Variants in PCDH15 observed in about 807,000 individuals in gnomAD.
PCDH15 encodes protocadherin related 15.
PCDH15 carries 129 observed loss-of-function variants against 178.5 expected under a neutral mutation model. The observed-to-expected ratio is 0.72, with a 90% CI of 0.63 to 0.84. PCDH15 has a LOEUF of 0.84. Ranked by LOEUF, PCDH15 falls within the 40% of genes least tolerant of loss-of-function variation. The pLI, the probability that PCDH15 is intolerant of heterozygous loss-of-function variation, is 0.00. For synonymous variants in PCDH15, 800 were observed against 732.0 expected, an observed-to-expected ratio of 1.09 and a Z score of -1.50; for missense variants, 2,230 against 2,099.9, an observed-to-expected ratio of 1.06 and a Z score of -1.21.
Position 54,221,255 on chromosome 10 carries a change from A to G in PCDH15, c.986-7207T>C, listed in dbSNP as rs78330475. Among the ~76,000 whole-genome samples, 1,388 of 152,286 alleles carry G rather than the reference A, an allele frequency of 9.1e-3. 13 individuals carry two copies. Among genetic ancestry groups the G allele is most frequent in the Middle Eastern group, 0.02 (6 of 294 alleles). On this transcript the variant is annotated intron_variant, in intron 9 of 37. Coordinates refer to ENST00000644397, the MANE Select transcript of PCDH15 (RefSeq NM_001384140.1). ...TATTTTAATTTTTATATATGCTAAG[A>G]AAATTCTACGTTTTTCACTTTTTCA...
intron 2 of PCDH15, among the ~76,000 whole-genome samples, chr10:55,531,226 C>A (rs1841447769): frequency 6.6e-6 from 1 of 151,954 alleles, no homozygotes; most frequent in Admixed American, 6.6e-5. Context: ...TGGTTTTTAT[C>A]TTCCTCATTG....
At chr10:54,825,068 C>A (rs1441997040) in intron 3 of PCDH15, among the ~76,000 whole-genome samples, 1 of 152,066 alleles carries the variant, frequency 6.6e-6, no homozygotes, top group Admixed American at 6.6e-5. Context: ...GTTCCCCTTC[C>A]TGTGTCCATG....
At chr10:54,669,186 T>A (rs1004719168) in intron 1 of PCDH15, among the ~76,000 whole-genome samples, 2 of 152,086 alleles carry the variant, frequency 1.3e-5, no homozygotes, top group African/African-American at 4.8e-5. Flanking sequence ...TCTTCATCAG[T>A]ACAGAGGGTA....
At chr10:54,548,228 ATAC>A (rs2133119123) in intron 2 of PCDH15, among the ~76,000 whole-genome samples, 1 of 147,960 alleles carries the variant, frequency 6.8e-6, no homozygotes, top group East Asian at 2.0e-4. Context: ...CATATATAAA[ATAC>A]TCACATGTTT....
chr10:55,176,907 T>C (rs188188445), intron 1 of PCDH15, among the ~76,000 whole-genome samples: 355 of 152,248 alleles, frequency 2.3e-3, no homozygotes, highest in African/African-American at 8.1e-3. Flanking sequence ...CCCTACCTGT[T>C]TGGGCAGGCA....
At chr10:53,835,435 A>T (rs2077250547) in intron 29 of PCDH15, among the ~76,000 whole-genome samples, 1 of 152,174 alleles carries the variant, frequency 6.6e-6, no homozygotes, top group Non-Finnish European at 1.5e-5. Flanking sequence ...AAGCCACAAG[A>T]GAATATGGCT....
intron 2 of PCDH15, among the ~76,000 whole-genome samples, chr10:54,610,336 A>T (rs2092919863): frequency 6.6e-6 from 1 of 151,946 alleles, no homozygotes; most frequent in Admixed American, 6.6e-5. Flanking sequence ...ATTGTTTAGT[A>T]CAAGGCACTG....
At chr10:54,625,598 G>A (rs2093522512) in intron 2 of PCDH15, among the ~76,000 whole-genome samples, 1 of 152,134 alleles carries the variant, frequency 6.6e-6, no homozygotes, top group Non-Finnish European at 1.5e-5. Flanking sequence ...CATGTAAGAT[G>A]TCACTTGCTC....
At chr10:53,944,493 T>G (rs2086358917) in intron 23 of PCDH15, among the ~76,000 whole-genome samples, 1 of 152,214 alleles carries the variant, frequency 6.6e-6, no homozygotes, top group Non-Finnish European at 1.5e-5. Flanking sequence ...TCTATTAAAT[T>G]CATAAATCTT....
At chr10:54,927,824 G>C (rs761614489) in intron 2 of PCDH15, among the ~76,000 whole-genome samples, 5 of 151,742 alleles carry the variant, frequency 3.3e-5, no homozygotes, top group Non-Finnish European at 7.4e-5. Flanking sequence ...TGAGCCTGTG[G>C]GTATCACTGC....
chr10:55,465,773 G>T (rs1362691227), intron 2 of PCDH15, among the ~76,000 whole-genome samples: 21 of 152,054 alleles, frequency 1.4e-4, no homozygotes, highest in Non-Finnish European at 7.4e-5. Flanking sequence ...CTCTGACATT[G>T]ATTTTTTACC....
At chr10:54,133,061 G>T in intron 14 of PCDH15, 54 bp from the exon 15 acceptor site, 1 of 1,610,160 alleles carries the variant, frequency 6.2e-7, no homozygotes, top group South Asian at 1.1e-5. Context: ...CACATTTAAT[G>T]TTAGACTGCA....
intron 1 of PCDH15, among the ~76,000 whole-genome samples, chr10:55,169,733 A>G (rs1351712749): frequency 2.0e-5 from 3 of 152,232 alleles, no homozygotes; most frequent in Non-Finnish European, 2.9e-5. Flanking sequence ...AGGCATTTAT[A>G]TTACTAACTG....
At chr10:55,575,589 T>C (rs1842481156) in intron 2 of PCDH15, 1 of 152,194 alleles carries the variant, frequency 6.6e-6, no homozygotes, top group Non-Finnish European at 1.5e-5. Flanking sequence ...GATTTATTTC[T>C]AATTGAAAAG....
chr10:54,527,962 A>G, intron 2 of PCDH15, 85 bp from the exon 3 acceptor site: 1 of 1,059,552 alleles, frequency 9.4e-7, no homozygotes, highest in Admixed American at 1.9e-5. Flanking sequence ...GTATATTAAT[A>G]TTTAAAAAGG....
chr10:54,611,711 G>T (rs557374335), intron 2 of PCDH15, among the ~76,000 whole-genome samples: 12 of 151,912 alleles, frequency 7.9e-5, no homozygotes, highest in African/African-American at 2.9e-4. Flanking sequence ...AGGCACCTTA[G>T]GGTTAGTCCA....
intron 8 of PCDH15, among the ~76,000 whole-genome samples, chr10:54,307,139 T>TAC (rs2060607137): frequency 1.1e-5 from 1 of 91,108 alleles, no homozygotes; most frequent in Non-Finnish European, 2.1e-5. Flanking sequence ...TATATATATA[T>TAC]ATATATATAT....
At chr10:54,661,542 T>TA (rs950339801) in intron 2 of PCDH15, among the ~76,000 whole-genome samples, 10 of 150,956 alleles carry the variant, frequency 6.6e-5, no homozygotes, top group South Asian at 2.1e-4. Context: ...CATAAAATTA[T>TA]AAAAAAAAAT....
intron 3 of PCDH15, among the ~76,000 whole-genome samples, chr10:54,487,947 T>G (rs2079242063): frequency 6.6e-6 from 1 of 151,916 alleles, no homozygotes; most frequent in Non-Finnish European, 1.5e-5. Flanking sequence ...CTAAAATAAA[T>G]CAAGGTCACG....
Sources: gnomAD v4.1 joint callset for allele counts (sites outside exome capture counted in the v4.1 genomes callset) on GRCh38, gnomAD v4.1.1 for gene constraint, MANE v1.5 for transcripts, NCBI Gene and HGNC (gene_info 2026-07-23, HGNC 2026-07-21) for gene names.